Variants in FRMD6 observed in about 807,000 individuals in gnomAD.
The protein encoded by FRMD6 is FERM domain-containing protein 6.
FRMD6 carries 37 observed loss-of-function variants against 73.2 expected under a neutral mutation model. The ratio of observed to expected loss-of-function variants is 0.51; its 90% CI spans 0.39 to 0.66. The LOEUF is 0.66. Among genes scored for constraint, FRMD6 ranks in the 30% least tolerant of loss-of-function variants. The pLI is 0.00. For missense variants in FRMD6, 714 were observed against 780.5 expected (o/e 0.91, Z 1.02); for synonymous variants, 273 against 282.2 (o/e 0.97, Z 0.33).
chr14:51,611,203 G>A (rs17124283), intron 2 of FRMD6, among the ~76,000 whole-genome samples: 52,824 of 151,964 alleles, frequency 0.35, 10,540 homozygotes, highest in African/African-American at 0.55. Flanking sequence ...AGGAAAACAC[G>A]AATGGGAAAT....
At chr14:51,583,728 T>C (rs1457535287) in intron 2 of FRMD6, among the ~76,000 whole-genome samples, 1 of 152,222 alleles carries the variant, frequency 6.6e-6, no homozygotes, top group African/African-American at 2.4e-5. Flanking sequence ...TTGGCTACCA[T>C]GTGTATACAC....
chr14:51,708,912 A>G (rs1478991760), intron 7 of FRMD6, among the ~76,000 whole-genome samples: 2 of 151,834 alleles, frequency 1.3e-5, no homozygotes, highest in African/African-American at 4.8e-5. Context: ...CTCGGAAGTT[A>G]CTCTCCTTTG....
chr14:51,633,030 G>C (rs143203554), intron 2 of FRMD6, among the ~76,000 whole-genome samples: 1 of 152,094 alleles, frequency 6.6e-6, no homozygotes, highest in African/African-American at 2.4e-5. Context: ...CATGCATTTC[G>C]TGTAAAATAT....
chr14:51,617,639 CTCGTAGGGTT>C (rs199580091), intron 2 of FRMD6, among the ~76,000 whole-genome samples: 5,283 of 152,128 alleles, frequency 0.035, 98 homozygotes, highest in African/African-American at 0.051. Context: ...TGCTACCTAC[CTCGTAGGGTT>C]GTTGAAGGGA....
At chr14:51,691,588 ATTTTTTTT>A (rs758677611) in intron 2 of FRMD6, among the ~76,000 whole-genome samples, 8 of 75,136 alleles carry the variant, frequency 1.1e-4, no homozygotes, top group Non-Finnish European at 5.6e-5. Context: ...TTTGATTTTG[ATTTTTTTT>A]TTTTTTTTTT....
rs555810829 is a variant in FRMD6 at position 51,549,388 on chromosome 14, A to G, written c.-209-20960A>G. 6.6e-5 allele frequency among the ~76,000 whole-genome samples: 10 copies of G among 152,292 alleles called. No homozygotes were observed. The South Asian group carries it at 2.1e-3, about 32-fold the overall frequency. ...AGTAGATTACATGGCAGGCTAACAA[A>G]GTCTTATTTTGAAAATTGGACAGTT... On this transcript the variant is annotated intron_variant, in intron 1 of 14. Transcript: ENST00000356218.
intron 5 of FRMD6, among the ~76,000 whole-genome samples, chr14:51,702,825 G>A (rs1566579281): frequency 6.6e-6 from 1 of 151,890 alleles, no homozygotes; most frequent in Non-Finnish European, 1.5e-5. Flanking sequence ...TTAGACTGTT[G>A]ATAAAAATAT....
intron 2 of FRMD6, among the ~76,000 whole-genome samples, chr14:51,644,203 T>C (rs1466533056): frequency 6.6e-6 from 1 of 152,180 alleles, no homozygotes; most frequent in East Asian, 1.9e-4. Flanking sequence ...CTGAGTGATA[T>C]AAGGTGTCCC....
At chr14:51,461,251 T>C in the FRMD6 span, among the ~76,000 whole-genome samples, 2 of 152,230 alleles carry the variant, frequency 1.3e-5, no homozygotes, top group South Asian at 4.1e-4. Context: ...ATTTTTGCTC[T>C]TAGACTACAG....
At chr14:51,632,961 G>A (rs906644532) in intron 2 of FRMD6, among the ~76,000 whole-genome samples, 1 of 152,200 alleles carries the variant, frequency 6.6e-6, no homozygotes, top group African/African-American at 2.4e-5. Flanking sequence ...TATTAAATTT[G>A]TTAGGTGTGA....
intron 1 of FRMD6, among the ~76,000 whole-genome samples, chr14:51,678,389 AT>A (rs2140285803): frequency 6.6e-6 from 1 of 152,220 alleles, no homozygotes; most frequent in East Asian, 1.9e-4. Flanking sequence ...TGCAGAAATT[AT>A]TTTGTGGACA....
chr14:51,467,928 G>A, the FRMD6 span, among the ~76,000 whole-genome samples: 39 of 152,230 alleles, frequency 2.6e-4, no homozygotes, highest in South Asian at 2.9e-3. Context: ...ACTCTGGGAG[G>A]CCAAGGCAGG....
At chr14:51,396,472 A>C in the FRMD6 span, among the ~76,000 whole-genome samples, 5 of 152,128 alleles carry the variant, frequency 3.3e-5, no homozygotes, top group Admixed American at 3.3e-4. Context: ...GAGGTCTTGT[A>C]CTGTTTATCG....
intron 2 of FRMD6, among the ~76,000 whole-genome samples, chr14:51,572,821 T>A (rs1888202308): frequency 1.3e-5 from 2 of 152,232 alleles, no homozygotes; most frequent in African/African-American, 4.8e-5. Flanking sequence ...TTACTTTCCA[T>A]CAACTAAGCT....
intron 2 of FRMD6, among the ~76,000 whole-genome samples, chr14:51,601,521 T>C (rs1233052970): frequency 6.6e-6 from 1 of 152,218 alleles, no homozygotes; most frequent in Non-Finnish European, 1.5e-5. Flanking sequence ...GGTTCAGTCA[T>C]ATGCTAAAGG....
intron 1 of FRMD6, among the ~76,000 whole-genome samples, chr14:51,689,204 G>A (rs1594737232): frequency 6.6e-6 from 1 of 152,206 alleles, no homozygotes; most frequent in South Asian, 2.1e-4. Context: ...GCTTCCTTTG[G>A]CAGAGCCATG....
chr14:51,725,730 G>C, intron 12 of FRMD6, 49 bp from the exon 13 acceptor site: 1 of 1,297,588 alleles, frequency 7.7e-7, no homozygotes, highest in South Asian at 1.2e-5. Flanking sequence ...GGCAAGAGGT[G>C]TGAATAATTT....
chr14:51,678,318 G>A (rs1364266959), intron 1 of FRMD6, among the ~76,000 whole-genome samples: 1 of 152,120 alleles, frequency 6.6e-6, no homozygotes, highest in Admixed American at 6.6e-5. Flanking sequence ...CCCAAACAGT[G>A]TGTCTCCTTA....
intron 1 of FRMD6, among the ~76,000 whole-genome samples, chr14:51,511,784 G>A (rs537193068): frequency 6.6e-6 from 1 of 152,170 alleles, no homozygotes; most frequent in Non-Finnish European, 1.5e-5. Flanking sequence ...TAGGTGATGG[G>A]TTGATGGGTG....
Sources: allele counts gnomAD v4.1 joint callset (sites outside exome capture counted in the v4.1 genomes callset), GRCh38; gene constraint gnomAD v4.1.1; transcripts MANE v1.5; gene names NCBI Gene and HGNC (gene_info 2026-07-23, HGNC 2026-07-21).